ACTG2: variants seen among roughly 807,000 people sequenced by gnomAD.
The protein encoded by ACTG2 is actin, gamma-enteric smooth muscle.
In ACTG2, 16 loss-of-function variants were observed where a neutral mutation model predicts 37.6. The observed-to-expected ratio is 0.43, with a 90% CI of 0.29 to 0.65. The LOEUF (loss-of-function observed/expected upper bound fraction) is 0.65, where lower values mean the gene tolerates loss of function less well. Among genes scored for constraint, ACTG2 ranks in the 30% least tolerant of loss-of-function variants. ACTG2 has a pLI of 0.18. For missense variants in ACTG2, 238 were observed against 490.9 expected (o/e 0.48, Z 4.87); for synonymous variants, 181 against 179.9 (o/e 1.01, Z -0.05).
intron 5 of ACTG2, among the ~76,000 whole-genome samples, chr2:73,910,402 C>T (rs1185069684): frequency 9.6e-6 from 1 of 103,880 alleles, no homozygotes; most frequent in African/African-American, 3.7e-5. Context: ...GAGCCTTGCT[C>T]TGTCACCAGG....
chr2:73,905,662 CT>C (rs1202748802), intron 3 of ACTG2, among the ~76,000 whole-genome samples: 17 of 152,218 alleles, frequency 1.1e-4, no homozygotes, highest in African/African-American at 3.8e-4. Context: ...AAAACAGCCA[CT>C]TTTTTATTCT....
intron 3 of ACTG2, among the ~76,000 whole-genome samples, chr2:73,904,013 C>T (rs1167703159): frequency 1.4e-5 from 2 of 147,086 alleles, no homozygotes; most frequent in African/African-American, 5.0e-5. Context: ...AATCCCAACA[C>T]TTTGGGAAGC....
chr2:73,894,804 G>A (rs912614229), intron 1 of ACTG2, among the ~76,000 whole-genome samples: 4 of 152,042 alleles, frequency 2.6e-5, no homozygotes, highest in African/African-American at 9.7e-5. Context: ...AATTTAGATA[G>A]CAAGGCAGGA....
intron 3 of ACTG2, among the ~76,000 whole-genome samples, chr2:73,906,733 T>G (rs938866489): frequency 6.6e-6 from 1 of 152,012 alleles, no homozygotes. Flanking sequence ...CTGTCTCAGC[T>G]CCCCAAAGTG....
intron 1 of ACTG2, among the ~76,000 whole-genome samples, chr2:73,893,719 A>G (rs1474479446): frequency 1.3e-5 from 2 of 152,182 alleles, no homozygotes; most frequent in African/African-American, 4.8e-5. Context: ...TGATGAGGAC[A>G]TTGAGGCCTA....
chr2:73,919,648 G>A lies in ACTG2; in HGVS notation c.*73G>A. ...AGTCATGAAACATTAAAACCTACAAGCCTTACTTCTCTGTGTGGGGCTCTT... is the reference window on the plus strand; with the variant it reads ...AGTCATGAAACATTAAAACCTACAAACCTTACTTCTCTGTGTGGGGCTCTT... On this transcript the variant is annotated 3_prime_UTR_variant, in exon 9 of 9. Transcript: ENST00000345517. 1 of 1,531,818 alleles carries A rather than the reference G, an allele frequency of 6.5e-7. No individual in the cohort carries two copies. The highest frequency in any genetic ancestry group is 8.9e-7 in the Non-Finnish European group (1 of 1,129,710). 94.9% of individuals were successfully genotyped at this position (1,531,818 alleles called of 1,614,324 possible).
chr2:73,915,162 G>A (rs1245596345), intron 7 of ACTG2, among the ~76,000 whole-genome samples: 1 of 152,122 alleles, frequency 6.6e-6, no homozygotes, highest in East Asian at 1.9e-4. Context: ...AATGTAGCAA[G>A]GTCAGGTTGT....
intron 7 of ACTG2, among the ~76,000 whole-genome samples, chr2:73,916,106 A>G (rs1680261052): frequency 6.6e-6 from 1 of 152,118 alleles, no homozygotes; most frequent in Non-Finnish European, 1.5e-5. Flanking sequence ...GGCCGGGTGT[A>G]ATACCTCGCG....
rs747147351 is a variant in ACTG2 at position 73,913,593 on chromosome 2, C to T, written c.560C>T (p.Thr187Met). Residue 187 changes from threonine to methionine, a missense_variant, in exon 6 of 9, where the codon ACG becomes ATG. Coordinates refer to ENST00000345517, the MANE Select transcript of ACTG2 (RefSeq NM_001615.4). ...CTGGACTTGGCTGGCCGTGACCTCA[C>T]GGACTACCTCATGAAGATCCTCACA... Reference protein sequence around the residue: ...MRLDLAGRDLTDYLMKILTER... With the variant: ...MRLDLAGRDLMDYLMKILTER... 2.5e-6 allele frequency: 4 copies of T among 1,613,724 alleles called. No homozygotes were observed. Among genetic ancestry groups the T allele is most frequent in the Non-Finnish European group, 3.4e-6 (4 of 1,179,866 alleles).
At chr2:73,914,230 C>T (rs1378652235) in intron 6 of ACTG2, among the ~76,000 whole-genome samples, 4 of 152,244 alleles carry the variant, frequency 2.6e-5, no homozygotes, top group East Asian at 1.9e-4. Flanking sequence ...TGACCCTCTT[C>T]GCGGCAAGTC....
chr2:73,897,879 A>G (rs1379788730), intron 1 of ACTG2, among the ~76,000 whole-genome samples: 1 of 152,212 alleles, frequency 6.6e-6, no homozygotes, highest in African/African-American at 2.4e-5. Flanking sequence ...CCTTTTATAA[A>G]AAAACCCATT....
chr2:73,898,986 A>G (rs184683231), intron 1 of ACTG2, among the ~76,000 whole-genome samples: 8 of 149,660 alleles, frequency 5.3e-5, no homozygotes, highest in Admixed American at 2.0e-4. Context: ...TTTTTTTTGT[A>G]TTTTTAGTAG....
chr2:73,906,479 A>C (rs1487664241), intron 3 of ACTG2, among the ~76,000 whole-genome samples: 1 of 136,704 alleles, frequency 7.3e-6, no homozygotes, highest in Non-Finnish European at 1.6e-5. Context: ...TAAATAAATA[A>C]ATAAATACAT....
At chr2:73,904,757 G>A (rs1392479161) in intron 3 of ACTG2, among the ~76,000 whole-genome samples, 2 of 54,570 alleles carry the variant, frequency 3.7e-5, no homozygotes, top group East Asian at 7.2e-4. Flanking sequence ...GTGTGTGTGT[G>A]TGTGTGTGTG....
At chr2:73,895,212 A>G (rs1327128340) in intron 1 of ACTG2, among the ~76,000 whole-genome samples, 2 of 151,808 alleles carry the variant, frequency 1.3e-5, no homozygotes, top group Admixed American at 6.6e-5. Context: ...GGTGGGGGAG[A>G]TGCACGGCAG....
At position 73,893,014 on chromosome 2, in the gene ACTG2, GC is replaced by G. The variant is rs1373666357; in HGVS notation, c.-71del. The G allele has an allele frequency of 3.9e-5, 6 of 152,252 alleles. No homozygotes were observed. The highest frequency in any genetic ancestry group is 8.8e-5 in the Non-Finnish European group (6 of 68,080). The allele number at this position is 152,252 out of a possible 1,614,324, so 9.4% of individuals were successfully genotyped here. ...TGGTATTCATGCCAAAGACACACCA[GC>G]CCTCAGTCACTGGGAGAAGAACCTC... On this transcript the variant is annotated 5_prime_UTR_variant, in exon 1 of 9. Transcript: ENST00000345517.
At chr2:73,904,767 GTGTGTGTGTGTATATA>G (rs1479577461) in intron 3 of ACTG2, among the ~76,000 whole-genome samples, 250 of 88,904 alleles carry the variant, frequency 2.8e-3, no homozygotes, top group Middle Eastern at 0.018. Flanking sequence ...GTGTGTGTGT[GTGTGTGTGTGTATATA>G]TATATATATA....
chr2:73,902,244 G>A (rs748118100), intron 2 of ACTG2, 116 bp from the exon 3 acceptor site: 5 of 1,244,536 alleles, frequency 4.0e-6, no homozygotes, highest in Non-Finnish European at 5.6e-6. Flanking sequence ...CTGTTTCTGG[G>A]GGAAGAAAGG....
chr2:73,909,379 T>C (rs962223384), intron 5 of ACTG2, among the ~76,000 whole-genome samples: 9 of 152,232 alleles, frequency 5.9e-5, no homozygotes, highest in African/African-American at 2.2e-4. Flanking sequence ...CAGGAGCTTC[T>C]ACACATACAC....
Sources: allele counts gnomAD v4.1 joint callset (sites outside exome capture counted in the v4.1 genomes callset), GRCh38; gene constraint gnomAD v4.1.1; transcripts MANE v1.5; gene names NCBI Gene and HGNC (gene_info 2026-07-23, HGNC 2026-07-21).